The following C2orf69 variants were observed in gnomAD, a reference collection of about 807,000 sequenced individuals.
C2orf69 encodes the protein mitochondrial protein C2orf69.
C2orf69 carries 19 observed loss-of-function variants against 29.5 expected under a neutral mutation model. The ratio of observed to expected loss-of-function variants is 0.65; its 90% CI spans 0.45 to 0.95. C2orf69 has a LOEUF of 0.95. C2orf69 is among the 40% of genes least tolerant of loss of function. The pLI, the probability that C2orf69 is intolerant of heterozygous loss-of-function variation, is 0.00. For synonymous variants in C2orf69, 194 were observed against 180.0 expected, an observed-to-expected ratio of 1.08 and a Z score of -0.62; for missense variants, 416 against 482.1, an observed-to-expected ratio of 0.86 and a Z score of 1.28.
chr2:199,927,516 G>C lies in C2orf69; in HGVS notation c.*1630G>C, dbSNP rs994929831. ...TGTTTAAAAATAACATTTCTTTTTG[G>C]TGTTTTAACACTTAATTTTATAAAC... On this transcript the variant is annotated 3_prime_UTR_variant, in exon 2 of 2. Coordinates refer to ENST00000319974, the MANE Select transcript of C2orf69 (RefSeq NM_153689.6). The C allele has an allele frequency of 6.7e-6, 1 of 149,906 alleles. No homozygotes were observed. The highest frequency in any genetic ancestry group is 1.5e-5 in the Non-Finnish European group (1 of 67,664). The allele number at this position is 149,906 out of a possible 1,614,324, so 9.3% of individuals were successfully genotyped here.
At chr2:199,923,310 C>G (rs895247492) in intron 1 of C2orf69, among the ~76,000 whole-genome samples, 1 of 152,168 alleles carries the variant, frequency 6.6e-6, no homozygotes, top group African/African-American at 2.4e-5. Context: ...ATGTTTTGAA[C>G]TGTCCAGTAT....
At chr2:199,924,838 T>C (rs1003529536) in intron 1 of C2orf69, among the ~76,000 whole-genome samples, 13 of 152,052 alleles carry the variant, frequency 8.5e-5, no homozygotes, top group Admixed American at 4.6e-4. Context: ...TATAACTTAC[T>C]TCCTTGTCTC....
intron 1 of C2orf69, among the ~76,000 whole-genome samples, chr2:199,917,059 T>C (rs1559293292): frequency 6.6e-6 from 1 of 152,194 alleles, no homozygotes; most frequent in African/African-American, 2.4e-5. Flanking sequence ...TTCCTTACTT[T>C]TATGCACCCA....
chr2:199,914,598 T>C (rs2077286209), intron 1 of C2orf69, among the ~76,000 whole-genome samples: 1 of 152,188 alleles, frequency 6.6e-6, no homozygotes, highest in African/African-American at 2.4e-5. Flanking sequence ...GTCCTTCCTG[T>C]TAATATCCTG....
At chr2:199,918,280 G>A (rs904917704) in intron 1 of C2orf69, among the ~76,000 whole-genome samples, 4 of 152,088 alleles carry the variant, frequency 2.6e-5, no homozygotes, top group African/African-American at 9.7e-5. Flanking sequence ...TAAAGTAGGT[G>A]CTTTCCATTT....
intron 1 of C2orf69, among the ~76,000 whole-genome samples, chr2:199,913,447 A>G (rs1181018387): frequency 9.8e-6 from 1 of 101,712 alleles, no homozygotes; most frequent in East Asian, 2.4e-4. Context: ...TATATAAAAT[A>G]TATATTCTAT....
chr2:199,923,273 G>T (rs1047472680), intron 1 of C2orf69, among the ~76,000 whole-genome samples: 16 of 152,030 alleles, frequency 1.1e-4, no homozygotes, highest in African/African-American at 3.6e-4. Flanking sequence ...TATATTTTTT[G>T]AAATGTTTCC....
chr2:199,911,356 C>T lies in C2orf69; in HGVS notation c.-83C>T, dbSNP rs571553456. 5 of 1,369,188 alleles carry T rather than the reference C, an allele frequency of 3.7e-6. No homozygotes were observed. The highest frequency in any genetic ancestry group is 3.0e-5 in the East Asian group (1 of 33,436). The allele number at this position is 1,369,188 out of a possible 1,614,324, so 84.8% of individuals were successfully genotyped here. A position where few individuals can be genotyped will look rare whatever the true frequency, so the allele number is the denominator to read the frequency against. ...CCGCGGCCGCCGACCGTTGAGCCGC[C>T]GGCTGAGCCGCCTGCTGAAGTCCCT... is the stretch of plus-strand genomic sequence containing the variant. On this transcript the variant is annotated 5_prime_UTR_variant, in exon 1 of 2. Coordinates refer to ENST00000319974, the MANE Select transcript of C2orf69 (RefSeq NM_153689.6).
chr2:199,914,402 A>G (rs2077285670), intron 1 of C2orf69, among the ~76,000 whole-genome samples: 6 of 152,216 alleles, frequency 3.9e-5, no homozygotes, highest in Admixed American at 3.9e-4. Flanking sequence ...TAGTTGCTCA[A>G]GATAGAAATC....
intron 1 of C2orf69, among the ~76,000 whole-genome samples, chr2:199,921,239 C>G (rs965720837): frequency 1.4e-4 from 21 of 151,830 alleles, no homozygotes; most frequent in Non-Finnish European, 2.6e-4. Flanking sequence ...ATCTCCTGAC[C>G]TCGTGATCCG....
At position 199,925,298 on chromosome 2, in the gene C2orf69, ATTAG is replaced by A. The variant is rs2077331489; in HGVS notation, c.574_577del (p.Val192MetfsTer5). The A allele has an allele frequency of 2.5e-6, 4 of 1,612,014 alleles. No homozygotes were observed. Among genetic ancestry groups the A allele is most frequent in the Admixed American group, 1.7e-5 (1 of 59,996 alleles). On this transcript the variant is annotated frameshift_variant, in exon 2 of 2. Coordinates refer to ENST00000319974, the MANE Select transcript of C2orf69 (RefSeq NM_153689.6). LOFTEE classifies it high-confidence loss of function. This position sits in a 1 kb window ranked among gnomAD's most constrained non-coding sequence, Gnocchi z 4.9. ...GAGCTTTTAAGCACCTTTATATGTT[ATTAG>A]TTAATGCTTTTAATTTAAGTCAGAA...
chr2:199,922,027 A>G lies in C2orf69; in HGVS notation c.334-3035A>G, dbSNP rs867827966. Among the ~76,000 whole-genome samples the G allele has an allele frequency of 3.7e-3, 424 of 115,814 alleles. 1 individual carries two copies. Among genetic ancestry groups the G allele is most frequent in the African/African-American group, 0.014 (397 of 29,256 alleles). 76.0% of individuals were successfully genotyped at this position (115,814 alleles called of 152,430 possible). A position where few individuals can be genotyped will look rare whatever the true frequency, so the allele number is the denominator to read the frequency against. On this transcript the variant is annotated intron_variant, in intron 1 of 1. Coordinates refer to ENST00000319974, the MANE Select transcript of C2orf69 (RefSeq NM_153689.6). Reference sequence around the variant, plus strand: ...TCCCTTCCCCAAGGCTGCCACTGTTATTTTTATATATATATATATATATAT... The same window carrying G: ...TCCCTTCCCCAAGGCTGCCACTGTTGTTTTTATATATATATATATATATAT...
In C2orf69 at chr2:199,911,669, C is replaced by G. The variant is rs1218365546; in HGVS notation, c.231C>G (p.Ala77=). 3.2e-6 allele frequency: 5 copies of G among 1,547,728 alleles called. No individual in the cohort carries two copies. Among genetic ancestry groups the G allele is most frequent in the Non-Finnish European group, 3.5e-6 (4 of 1,146,750 alleles). ...RSNELLLLAA[A]GEGLERQDLP... ...ACGAATTGCTCCTGTTGGCGGCGGC[C>G]GGGGAGGGACTGGAGCGGCAGGACC... is the stretch of plus-strand genomic sequence containing the variant. Residue 77 remains alanine, a synonymous_variant, in exon 1 of 2, where the codon GCC becomes GCG. Transcript: ENST00000319974.
intron 1 of C2orf69, among the ~76,000 whole-genome samples, chr2:199,918,044 C>T (rs956934819): frequency 3.9e-5 from 6 of 152,174 alleles, no homozygotes; most frequent in African/African-American, 1.4e-4. Flanking sequence ...ATAAAACCAT[C>T]TTGTAAAAAC....
At chr2:199,920,953 CAAA>C (rs1284333280) in intron 1 of C2orf69, among the ~76,000 whole-genome samples, 3 of 45,896 alleles carry the variant, frequency 6.5e-5, no homozygotes, top group Non-Finnish European at 1.1e-4. Flanking sequence ...CTGAGACTCT[CAAA>C]AAAAAAAAAA....
chr2:199,911,732 G>T lies in C2orf69; in HGVS notation c.294G>T (p.Pro98=). 6 of 1,541,882 alleles carry T rather than the reference G, an allele frequency of 3.9e-6. No homozygotes were observed. The highest frequency in any genetic ancestry group is 5.2e-6 in the Non-Finnish European group (6 of 1,146,908). Residue 98 remains proline, a synonymous_variant, in exon 1 of 2, where the codon CCG becomes CCT. Transcript: ENST00000319974. ...GDPAKEEPQP[P]PQHHVLYFPG... ...CAGCGAAGGAGGAGCCGCAGCCGCCGCCCCAGCATCACGTCCTCTATTTCC... is the reference window on the plus strand; with the variant it reads ...CAGCGAAGGAGGAGCCGCAGCCGCCTCCCCAGCATCACGTCCTCTATTTCC...
chr2:199,922,433 C>T (rs2106636498), intron 1 of C2orf69, among the ~76,000 whole-genome samples: 1 of 152,216 alleles, frequency 6.6e-6, no homozygotes, highest in South Asian at 2.1e-4. Flanking sequence ...GCATAGTGTA[C>T]TGGATTTTTT....
rs926493922 is a variant in C2orf69 at position 199,911,706 on chromosome 2, C to G, written c.268C>G (p.Pro90Ala). Residue 90 changes from proline (P) to alanine (A), a missense_variant, in exon 1 of 2, where the codon CCA (proline) becomes GCA (alanine). Transcript: ENST00000319974. ...GLERQDLPGDPAKEEPQPPPQ... is the reference protein window; with the variant it reads ...GLERQDLPGDAAKEEPQPPPQ... ...GGAGCGGCAGGACCTCCCCGGGGACCCAGCGAAGGAGGAGCCGCAGCCGCC... is the reference window on the plus strand; with the variant it reads ...GGAGCGGCAGGACCTCCCCGGGGACGCAGCGAAGGAGGAGCCGCAGCCGCC... 6.5e-7 allele frequency: 1 copy of G among 1,545,484 alleles called. No individual in the cohort carries two copies. The highest frequency in any genetic ancestry group is 8.7e-7 in the Non-Finnish European group (1 of 1,146,930).
chr2:199,913,479 A>AT lies in C2orf69; in HGVS notation c.333+1708_333+1709insT, dbSNP rs2077281856. On this transcript the variant is annotated intron_variant, in intron 1 of 1. Transcript: ENST00000319974. ...CTATTATATAAAATATATATTATAT[A>AT]AAATATATATTATATTATATAAAAT... Among the ~76,000 whole-genome samples, 13 of 24,432 alleles carry AT rather than the reference A, an allele frequency of 5.3e-4. 1 individual carries two copies. The highest frequency in any genetic ancestry group is 6.7e-4 in the Non-Finnish European group (10 of 14,870). 16.0% of individuals were successfully genotyped at this position (24,432 alleles called of 152,430 possible).
Sources: gnomAD v4.1 joint callset for allele counts (sites outside exome capture counted in the v4.1 genomes callset) on GRCh38, gnomAD v4.1.1 for gene constraint, Gnocchi (gnomAD v3.1) non-coding constraint, MANE v1.5 for transcripts, NCBI Gene and HGNC (gene_info 2026-07-23, HGNC 2026-07-21) for gene names.